Variants in LIPK observed in about 807,000 individuals in gnomAD.
LIPK encodes the protein lipase member K.
Under a neutral mutation model 48.6 loss-of-function variants are expected in LIPK, and 32 were observed. The observed-to-expected ratio is 0.66, with a 90% CI of 0.50 to 0.88. The LOEUF (loss-of-function observed/expected upper bound fraction) is 0.88, where lower values mean the gene tolerates loss of function less well. LIPK is among the 40% of genes least tolerant of loss of function. LIPK has a pLI of 0.00. For missense variants in LIPK, 507 were observed against 478.5 expected (o/e 1.06, Z -0.56); for synonymous variants, 164 against 157.4 (o/e 1.04, Z -0.32).
chr10:88,745,568 A>C (rs899371776), intron 9 of LIPK, among the ~76,000 whole-genome samples: 2 of 152,344 alleles, frequency 1.3e-5, no homozygotes, highest in African/African-American at 4.8e-5. Flanking sequence ...AATATTTTTC[A>C]GACAAAATTG....
chr10:88,737,930 TGA>T (rs2134760400), intron 7 of LIPK, 149 bp downstream of exon 7: 1 of 799,462 alleles, frequency 1.3e-6, no homozygotes, highest in East Asian at 2.5e-5. Flanking sequence ...CAATGAGGGT[TGA>T]GAGTCCACTT....
intron 1 of LIPK, among the ~76,000 whole-genome samples, chr10:88,724,287 G>A (rs1842290338): frequency 6.6e-6 from 1 of 151,998 alleles, no homozygotes; most frequent in Non-Finnish European, 1.5e-5. Flanking sequence ...TGATTGATTG[G>A]TTTCTCTGTT....
intron 9 of LIPK, among the ~76,000 whole-genome samples, chr10:88,744,091 C>A (rs1467653844): frequency 1.3e-5 from 2 of 152,226 alleles, no homozygotes; most frequent in Admixed American, 1.3e-4. Context: ...CAGAACAGGG[C>A]TATCTTACCC....
rs899153174 is a variant in LIPK, at chr10:88,743,145, T to A, written c.889-105T>A. The A allele has an allele frequency of 6.3e-6, 4 of 631,888 alleles. No individual in the cohort carries two copies. The African/African-American group carries it at 7.3e-5, about 12-fold the overall frequency. 39.1% of individuals were successfully genotyped at this position (631,888 alleles called of 1,614,324 possible). Reference sequence around the variant, plus strand: ...TTTATTGAAATTTAGCTTATGTTTCTAAAGACTGGGGCATAATGTTAATCT... The same window carrying A: ...TTTATTGAAATTTAGCTTATGTTTCAAAAGACTGGGGCATAATGTTAATCT... On this transcript the variant is annotated intron_variant, in intron 8 of 9. Coordinates refer to ENST00000404190, the MANE Select transcript of LIPK (RefSeq NM_001080518.2).
intron 3 of LIPK, among the ~76,000 whole-genome samples, chr10:88,727,190 C>G (rs766209002): frequency 1.2e-4 from 18 of 152,238 alleles, no homozygotes; most frequent in Admixed American, 2.6e-4. Context: ...AGTGATACCT[C>G]TGTCCCGTTT....
At chr10:88,710,557 T>C (rs1842009384) in intron 1 of LIPK, among the ~76,000 whole-genome samples, 1 of 152,224 alleles carries the variant, frequency 6.6e-6, no homozygotes, top group East Asian at 1.9e-4. Flanking sequence ...TATGAATTAG[T>C]TTTATCTGTT....
At chr10:88,746,490 C>A (rs1842768292) in intron 9 of LIPK, among the ~76,000 whole-genome samples, 1 of 151,722 alleles carries the variant, frequency 6.6e-6, no homozygotes, top group Non-Finnish European at 1.5e-5. Flanking sequence ...CAAAACCATG[C>A]AATTAGACAA....
At chr10:88,722,158 G>A (rs905040112) in intron 1 of LIPK, among the ~76,000 whole-genome samples, 1 of 152,148 alleles carries the variant, frequency 6.6e-6, no homozygotes, top group Non-Finnish European at 1.5e-5. Flanking sequence ...AATTAGGTGT[G>A]GCGGCACGCG....
intron 2 of LIPK, 72 bp from the exon 3 acceptor site, chr10:88,726,723 C>A (rs1728979393): frequency 1.3e-6 from 1 of 774,602 alleles, no homozygotes; most frequent in African/African-American, 1.7e-5. Context: ...AAATAAAGTA[C>A]TATGTTGTAA....
At chr10:88,715,721 T>C (rs372981415) in intron 1 of LIPK, among the ~76,000 whole-genome samples, 4 of 152,048 alleles carry the variant, frequency 2.6e-5, no homozygotes, top group South Asian at 2.1e-4. Flanking sequence ...CTTCCTTTTC[T>C]TTCTTTTTTC....
chr10:88,713,949 C>A (rs1470990795), intron 1 of LIPK, among the ~76,000 whole-genome samples: 1 of 150,894 alleles, frequency 6.6e-6, no homozygotes, highest in East Asian at 1.9e-4. Flanking sequence ...GACTCTGTCT[C>A]AAAAAAATAA....
chr10:88,721,017 G>A lies in LIPK; in HGVS notation c.-11-3516G>A, dbSNP rs183386963. On this transcript the variant is annotated intron_variant, in intron 1 of 9. Transcript: ENST00000404190. ...ACTGAGAATCCCCTGAATTTATCAT[G>A]TCTGCTTTTTTCTTAGTCTAAAATC... 2.2e-4 allele frequency among the ~76,000 whole-genome samples: 34 copies of A among 152,000 alleles called. No homozygotes were observed. In the East Asian group the frequency reaches 6.6e-3, roughly 29 times the overall value.
At position 88,732,526 on chromosome 10, in the gene LIPK, C is replaced by A. The variant is rs1342322969; in HGVS notation, c.644C>A (p.Thr215Lys). The A allele has an allele frequency of 6.2e-7, 1 of 1,611,148 alleles. No individual in the cohort carries two copies. The highest frequency in any genetic ancestry group is 8.5e-7 in the Non-Finnish European group (1 of 1,179,216). ...KYTQSPMKKL[T>K]TLSRRVVKVL... ...ACCCAAAGTCCTATGAAAAAACTAA[C>A]AACCCTTTCCAGGCGAGTAGTTAAG... Residue 215 changes from threonine (T) to lysine (K), a missense_variant, in exon 6 of 10, where the codon ACA (threonine) becomes AAA (lysine). Transcript: ENST00000404190.
At chr10:88,751,189 A>G (rs1223730933) in intron 9 of LIPK, among the ~76,000 whole-genome samples, 1 of 152,046 alleles carries the variant, frequency 6.6e-6, no homozygotes, top group Non-Finnish European at 1.5e-5. Context: ...AAACTTTTAG[A>G]GAAAAGTTTT....
At chr10:88,722,151 T>C (rs541191079) in intron 1 of LIPK, among the ~76,000 whole-genome samples, 48 of 151,946 alleles carry the variant, frequency 3.2e-4, no homozygotes, top group African/African-American at 1.1e-3. Context: ...TACAAAAAAT[T>C]AGGTGTGGCG....
intron 1 of LIPK, among the ~76,000 whole-genome samples, chr10:88,714,651 ATAATT>A (rs1410095099): frequency 6.6e-6 from 1 of 152,178 alleles, no homozygotes; most frequent in Non-Finnish European, 1.5e-5. Context: ...TCTAGTTAAT[ATAATT>A]TATCAAATTT....
chr10:88,721,759 T>C (rs1329591933), intron 1 of LIPK, among the ~76,000 whole-genome samples: 1 of 152,158 alleles, frequency 6.6e-6, no homozygotes, highest in African/African-American at 2.4e-5. Flanking sequence ...GTGATTTTGA[T>C]TCAGAGGCCT....
chr10:88,722,882 C>CTTTTTTTTT (rs1262882913), intron 1 of LIPK, among the ~76,000 whole-genome samples: 10 of 45,996 alleles, frequency 2.2e-4, no homozygotes, highest in South Asian at 1.7e-3. Context: ...TTCTTCTTTT[C>CTTTTTTTTT]TTTTTTCTTT....
intron 8 of LIPK, among the ~76,000 whole-genome samples, chr10:88,741,243 G>T (rs574749488): frequency 6.6e-6 from 1 of 152,038 alleles, no homozygotes; most frequent in Non-Finnish European, 1.5e-5. Context: ...AAAAAAAAGC[G>T]TGCAGTGGTA....
Sources: gnomAD v4.1 joint callset for allele counts (sites outside exome capture counted in the v4.1 genomes callset) on GRCh38, gnomAD v4.1.1 for gene constraint, MANE v1.5 for transcripts, NCBI Gene and HGNC (gene_info 2026-07-23, HGNC 2026-07-21) for gene names.